NOL4L: variants seen among roughly 807,000 people sequenced by gnomAD.
The protein encoded by NOL4L is nucleolar protein 4-like.
A neutral mutation model predicts 64.5 loss-of-function variants in NOL4L; 7 were observed. The observed-to-expected ratio is 0.11, with a 90% CI of 0.06 to 0.20. The LOEUF (loss-of-function observed/expected upper bound fraction) is 0.20, where lower values mean the gene tolerates loss of function less well. NOL4L is among the 10% of genes least tolerant of loss of function. NOL4L has a pLI of 1.00. For synonymous variants in NOL4L, 413 were observed against 401.0 expected, an observed-to-expected ratio of 1.03 and a Z score of -0.36; for missense variants, 680 against 967.1, an observed-to-expected ratio of 0.70 and a Z score of 3.94.
rs201084956 is a variant in NOL4L at position 32,511,460 on chromosome 20, G to A, written c.590-4C>T. Reference sequence around the variant, plus strand: ...AGTGGAGATGGAGGCTCGTTTTCTGGCAGAAAGAACAAAAGGAAAGCCCTT... The same window carrying A: ...AGTGGAGATGGAGGCTCGTTTTCTGACAGAAAGAACAAAAGGAAAGCCCTT... On this transcript the variant is annotated splice_region_variant and splice_polypyrimidine_tract_variant and intron_variant, in intron 3 of 10. Coordinates refer to ENST00000621426, the MANE Select transcript of NOL4L (RefSeq NM_001256798.2). 5.6e-3 allele frequency: 8,697 copies of A among 1,542,874 alleles called. 41 individuals carry two copies. Among genetic ancestry groups the A allele is most frequent in the Non-Finnish European group, 7.0e-3 (8,000 of 1,140,172 alleles).
At position 32,546,191 on chromosome 20, in the gene NOL4L, C is replaced by T. The variant is rs561865733; in HGVS notation, c.322-18278G>A. Among the ~76,000 whole-genome samples the T allele has an allele frequency of 7.9e-5, 12 of 152,222 alleles. No individual in the cohort carries two copies. In the South Asian group the frequency reaches 1.9e-3, roughly 24 times the overall value. On this transcript the variant is annotated intron_variant, in intron 1 of 10. Coordinates refer to ENST00000621426, the MANE Select transcript of NOL4L (RefSeq NM_001256798.2). ...TTGAACACCTGACCTCATGACCTGC[C>T]GGCCTTGGCCTCCCAAAGTGCTGGG...
chr20:32,539,262 C>A (rs1278554200), intron 1 of NOL4L, among the ~76,000 whole-genome samples: 1 of 152,222 alleles, frequency 6.6e-6, no homozygotes, highest in Non-Finnish European at 1.5e-5. Context: ...TCTCCATGGG[C>A]CAGCTGAGTG....
At chr20:32,503,843 C>CT (rs541547212) in intron 4 of NOL4L, among the ~76,000 whole-genome samples, 76 of 151,128 alleles carry the variant, frequency 5.0e-4, no homozygotes, top group East Asian at 1.9e-3. Context: ...CTACTTAATG[C>CT]TTTTTTTTTG....
chr20:32,535,864 G>A (rs1178739918), intron 1 of NOL4L: 1 of 985,380 alleles, frequency 1.0e-6, no homozygotes, highest in Non-Finnish European at 1.2e-6. Context: ...GACTTATGAG[G>A]GCTGGAGGGA....
intron 4 of NOL4L, among the ~76,000 whole-genome samples, chr20:32,493,117 G>C (rs148687676): frequency 1.3e-5 from 2 of 152,344 alleles, no homozygotes; most frequent in Non-Finnish European, 2.9e-5. Context: ...ACAAGCCTTG[G>C]AAGGAGGCTG....
intron 4 of NOL4L, among the ~76,000 whole-genome samples, chr20:32,499,133 T>TC (rs2016814971): frequency 6.6e-6 from 1 of 152,248 alleles, no homozygotes; most frequent in South Asian, 2.1e-4. Context: ...CACCTTGGCC[T>TC]CCCAAAGTGC....
rs1025956211 is a variant in NOL4L, at chr20:32,449,466, C to A, written c.1823-1650G>T. On this transcript the variant is annotated intron_variant, in intron 10 of 10. Coordinates refer to ENST00000621426, the MANE Select transcript of NOL4L (RefSeq NM_001256798.2). Reference sequence around the variant, plus strand: ...GCTAAAAGGAAGCTGGTGCAGCCCCCAAATGGGGAAGGAAGCTGGAGTCTA... The same window carrying A: ...GCTAAAAGGAAGCTGGTGCAGCCCCAAAATGGGGAAGGAAGCTGGAGTCTA... 1.3e-5 allele frequency among the ~76,000 whole-genome samples: 2 copies of A among 152,242 alleles called. 1 individual carries two copies. The highest frequency in any genetic ancestry group is 4.1e-4 in the South Asian group (2 of 4,832).
At chr20:32,508,019 T>C (rs2017204736) in intron 4 of NOL4L, among the ~76,000 whole-genome samples, 1 of 152,120 alleles carries the variant, frequency 6.6e-6, no homozygotes, top group South Asian at 2.1e-4. Flanking sequence ...TCAAAATAAA[T>C]AAATAAAATA....
intron 3 of NOL4L, 62 bp downstream of exon 3, chr20:32,520,749 T>C (rs2017901000): frequency 1.9e-6 from 2 of 1,057,256 alleles, no homozygotes; most frequent in Non-Finnish European, 1.4e-6. Context: ...GCTGGCGTCT[T>C]CAGGGACAGT....
In NOL4L at chr20:32,471,840, A is replaced by G. The variant is rs368357879; in HGVS notation, c.841+2761T>C. On this transcript the variant is annotated intron_variant, in intron 5 of 10. Coordinates refer to ENST00000621426, the MANE Select transcript of NOL4L (RefSeq NM_001256798.2). ...CCTCTCTCTTGCTCCCTCTCTCACC[A>G]TGAGACATGCCTGCTCCCCCTTCAC... 5.3e-5 allele frequency among the ~76,000 whole-genome samples: 8 copies of G among 152,156 alleles called. No homozygotes were observed. In the South Asian group the frequency reaches 8.3e-4, roughly 16 times the overall value.
chr20:32,531,400 T>G (rs1407859417), intron 1 of NOL4L, among the ~76,000 whole-genome samples: 1 of 151,580 alleles, frequency 6.6e-6, no homozygotes, highest in Non-Finnish European at 1.5e-5. Context: ...AAACACAGTC[T>G]CACTCTGCCA....
intron 4 of NOL4L, among the ~76,000 whole-genome samples, chr20:32,482,987 C>T (rs2015833028): frequency 6.6e-6 from 1 of 151,574 alleles, no homozygotes; most frequent in Non-Finnish European, 1.5e-5. Flanking sequence ...CGCACAATCA[C>T]CGCCCCCCAG....
chr20:32,475,737 G>A lies in NOL4L; in HGVS notation c.700-995C>T, dbSNP rs2015351166. 2.6e-5 allele frequency among the ~76,000 whole-genome samples: 4 copies of A among 152,306 alleles called. No homozygotes were observed. The South Asian group carries it at 8.3e-4, about 32-fold the overall frequency. On this transcript the variant is annotated intron_variant, in intron 4 of 10. Transcript: ENST00000621426. ...AATGGCCTCTGTGGGCCCCCAGTGA[G>A]GACCTCTGACAGAGCACCCCCCAAG...
chr20:32,459,870 G>T (rs1671001835), intron 5 of NOL4L, among the ~76,000 whole-genome samples: 1 of 152,182 alleles, frequency 6.6e-6, no homozygotes, highest in Non-Finnish European at 1.5e-5. Context: ...ACAAGTAAAT[G>T]GGTACACAAA....
intron 1 of NOL4L, among the ~76,000 whole-genome samples, chr20:32,535,149 A>G (rs1036674294): frequency 3.3e-5 from 5 of 152,096 alleles, no homozygotes; most frequent in African/African-American, 1.2e-4. Context: ...AGCATCCCCA[A>G]GAGAAGCTGT....
intron 1 of NOL4L, among the ~76,000 whole-genome samples, chr20:32,557,654 C>T (rs901010338): frequency 2.6e-5 from 4 of 152,270 alleles, no homozygotes; most frequent in African/African-American, 7.2e-5. Flanking sequence ...CCTACACATG[C>T]ATCAAATATC....
intron 1 of NOL4L, among the ~76,000 whole-genome samples, chr20:32,583,791 G>T (rs1980676796): frequency 2.0e-5 from 3 of 149,946 alleles, no homozygotes; most frequent in Admixed American, 6.6e-5. Flanking sequence ...TTAGGCGGCT[G>T]CGGTTCCCCG....
rs370387010 is a variant in NOL4L, at chr20:32,483,502, G to T, written c.700-8760C>A. Reference sequence around the variant, plus strand: ...CGGGGAGAGGGGCTGGCACCACCGCGGCGCGTCACTGCCCGGCCCGGGGGC... The same window carrying T: ...CGGGGAGAGGGGCTGGCACCACCGCTGCGCGTCACTGCCCGGCCCGGGGGC... On this transcript the variant is annotated intron_variant, in intron 4 of 10. Coordinates refer to ENST00000621426, the MANE Select transcript of NOL4L (RefSeq NM_001256798.2). 149 of 985,654 alleles carry T rather than the reference G, an allele frequency of 1.5e-4. 1 individual carries two copies. In the East Asian group the frequency reaches 5.2e-3, roughly 34 times the overall value. The allele number at this position is 985,654 out of a possible 1,614,324, so 61.1% of individuals were successfully genotyped here. A position where few individuals can be genotyped will look rare whatever the true frequency, so the allele number is the denominator to read the frequency against.
chr20:32,550,891 G>GA (rs1026763495), intron 1 of NOL4L, among the ~76,000 whole-genome samples: 12 of 142,070 alleles, frequency 8.4e-5, no homozygotes, highest in Admixed American at 4.9e-4. Flanking sequence ...TCAAAAAAAA[G>GA]AAAAAAAAAT....
Sources: allele counts gnomAD v4.1 joint callset (sites outside exome capture counted in the v4.1 genomes callset), GRCh38; gene constraint gnomAD v4.1.1; transcripts MANE v1.5; gene names NCBI Gene and HGNC (gene_info 2026-07-23, HGNC 2026-07-21).